CELF1: variants seen among roughly 807,000 people sequenced by gnomAD.
CELF1 encodes the protein 50 kDa nuclear polyadenylated RNA-binding protein.
In CELF1, 10 loss-of-function variants were observed where a neutral mutation model predicts 61.8. That is an observed-to-expected ratio of 0.16 (90% CI 0.10 to 0.27). The LOEUF is 0.27. Among genes scored for constraint, CELF1 ranks in the 10% least tolerant of loss-of-function variants. CELF1 has a pLI of 1.00. For synonymous variants in CELF1, 236 were observed against 225.1 expected (o/e 1.05, Z -0.43); for missense variants, 380 against 639.1 (o/e 0.59, Z 4.37).
Position 47,470,573 on chromosome 11 carries a change from G to C in CELF1, c.*1657C>G, listed in dbSNP as rs1053664316. On this transcript the variant is annotated 3_prime_UTR_variant, in exon 15 of 15. Transcript: ENST00000687097. ...CCAGCTACCTGTACAACAGTAAGAT[G>C]GTCAATCCCTGTCTGTTACCCACAG... is the stretch of plus-strand genomic sequence containing the variant. 1.3e-5 allele frequency: 2 copies of C among 152,168 alleles called. No homozygotes were observed. Among genetic ancestry groups the C allele is most frequent in the Admixed American group, 6.5e-5 (1 of 15,284 alleles). The allele number at this position is 152,168 out of a possible 1,614,324, so 9.4% of individuals were successfully genotyped here. A position where few individuals can be genotyped will look rare whatever the true frequency, so the allele number is the denominator to read the frequency against.
intron 1 of CELF1, among the ~76,000 whole-genome samples, chr11:47,536,740 AGAGT>A (rs1246508448): frequency 2.6e-5 from 4 of 152,234 alleles, no homozygotes; most frequent in African/African-American, 9.6e-5. Flanking sequence ...CCTGCGTGAC[AGAGT>A]GAGACTCCAT....
intron 1 of CELF1, among the ~76,000 whole-genome samples, chr11:47,527,416 G>A (rs573713143): frequency 6.6e-6 from 1 of 152,046 alleles, no homozygotes; most frequent in Admixed American, 6.6e-5. Flanking sequence ...TTAAGTAAAA[G>A]CCTCTTAAGT....
chr11:47,533,541 A>C (rs1386929701), intron 1 of CELF1, among the ~76,000 whole-genome samples: 2 of 152,182 alleles, frequency 1.3e-5, no homozygotes, highest in African/African-American at 2.4e-5. Context: ...AGAACTGCTT[A>C]AACTCCGGAA....
At chr11:47,494,562 CTT>C (rs1239231928) in intron 3 of CELF1, 1 of 865,168 alleles carries the variant, frequency 1.2e-6, no homozygotes, top group Admixed American at 6.2e-5. Context: ...TCTCTTTCTC[CTT>C]TCTTTTCCCC....
intron 1 of CELF1, among the ~76,000 whole-genome samples, chr11:47,529,745 TG>T (rs1415419509): frequency 6.6e-6 from 1 of 151,738 alleles, no homozygotes; most frequent in Non-Finnish European, 1.5e-5. Flanking sequence ...TGCTTAAACC[TG>T]GGAGGTGGAG....
chr11:47,549,811 G>GTTTTT (rs1157763467), intron 1 of CELF1, among the ~76,000 whole-genome samples: 1 of 133,220 alleles, frequency 7.5e-6, no homozygotes, highest in African/African-American at 2.6e-5. Flanking sequence ...AATGTTGTGG[G>GTTTTT]TTTTTTTTGT....
At chr11:47,535,704 G>C (rs1281559911) in intron 1 of CELF1, among the ~76,000 whole-genome samples, 5 of 148,568 alleles carry the variant, frequency 3.4e-5, no homozygotes, top group Admixed American at 6.7e-5. Flanking sequence ...AATAAATCAT[G>C]TCTTGTTTTG....
intron 2 of CELF1, among the ~76,000 whole-genome samples, chr11:47,561,164 G>A (rs1284307570): frequency 2.9e-5 from 4 of 140,294 alleles, no homozygotes; most frequent in Admixed American, 7.5e-5. Context: ...AGTGTATTTC[G>A]CTGGGTGAGG....
At chr11:47,535,358 A>C (rs953141614) in intron 1 of CELF1, among the ~76,000 whole-genome samples, 1 of 152,132 alleles carries the variant, frequency 6.6e-6, no homozygotes, top group African/African-American at 2.4e-5. Context: ...TACCGTAGGC[A>C]ATAGTTATTA....
intron 3 of CELF1, among the ~76,000 whole-genome samples, chr11:47,491,658 CCTT>C (rs2091533065): frequency 6.6e-6 from 1 of 152,172 alleles, no homozygotes; most frequent in Admixed American, 6.5e-5. Context: ...TAAATTTCCA[CCTT>C]CGTTGTGGAA....
At chr11:47,516,010 G>A (rs1008863362) in intron 1 of CELF1, among the ~76,000 whole-genome samples, 11 of 144,442 alleles carry the variant, frequency 7.6e-5, no homozygotes, top group African/African-American at 2.7e-4. Context: ...TCTGCCTCCC[G>A]GGTTCAACAT....
chr11:47,548,833 T>G (rs1233616400), intron 1 of CELF1, among the ~76,000 whole-genome samples: 1 of 129,092 alleles, frequency 7.7e-6, no homozygotes, highest in African/African-American at 3.0e-5. Context: ...ACCACTGCAC[T>G]CCAGCCTGGG....
chr11:47,473,582 A>G (rs930925485), intron 13 of CELF1, among the ~76,000 whole-genome samples: 1 of 152,232 alleles, frequency 6.6e-6, no homozygotes, highest in Non-Finnish European at 1.5e-5. Context: ...AAAAGGGGTT[A>G]TAAACAAAAC....
Position 47,468,327 on chromosome 11 carries a change from G to GA in CELF1, c.*3902dup, listed in dbSNP as rs1250367040. 1 of 152,234 alleles carries GA rather than the reference G, an allele frequency of 6.6e-6. No homozygotes were observed. 9.4% of individuals were successfully genotyped at this position (152,234 alleles called of 1,614,324 possible). On this transcript the variant is annotated 3_prime_UTR_variant, in exon 15 of 15. Coordinates refer to ENST00000687097, the MANE Select transcript of CELF1 (RefSeq NM_001376376.1). ...TTGAGAACTCAGAAGAAAAACAAAA[G>GA]AAAGAACAATACATGCGGTCTCCTC...
chr11:47,504,640 G>A (rs1003650754), intron 1 of CELF1, among the ~76,000 whole-genome samples: 3 of 142,968 alleles, frequency 2.1e-5, no homozygotes, highest in Middle Eastern at 3.8e-3. Flanking sequence ...GTGGCTCACC[G>A]CCTCTAATCC....
At chr11:47,488,287 C>T (rs1370760735) in intron 4 of CELF1, among the ~76,000 whole-genome samples, 32 of 152,206 alleles carry the variant, frequency 2.1e-4, no homozygotes, top group Admixed American at 1.9e-3. Flanking sequence ...GAAGCAGCTC[C>T]GCCTTTCCTC....
chr11:47,489,023 A>C lies in CELF1; in HGVS notation c.73T>G (p.Ser25Ala). 1 of 1,573,300 alleles carries C rather than the reference A, an allele frequency of 6.4e-7. No individual in the cohort carries two copies. The highest frequency in any genetic ancestry group is 1.2e-5 in the South Asian group (1 of 85,408). Residue 25 changes from serine (S) to alanine (A), a missense_variant and splice_region_variant, in exon 4 of 15, where the codon TCA becomes GCA. Coordinates refer to ENST00000687097, the MANE Select transcript of CELF1 (RefSeq NM_001376376.1). ...TCCAGGGTGCCGTTCATTTTCTTTG[A>C]GCTGTGTGAGATAAAATGAAACTTC... ...DHCSLNSSPVSKKMNGTLDHP... is the reference protein window; with the variant it reads ...DHCSLNSSPVAKKMNGTLDHP...
intron 2 of CELF1, among the ~76,000 whole-genome samples, chr11:47,562,142 C>T (rs540989866): frequency 2.7e-5 from 4 of 150,796 alleles, no homozygotes; most frequent in Non-Finnish European, 5.9e-5. Context: ...AGGAGAATTG[C>T]TTGAACCTGA....
chr11:47,501,410 C>T (rs1209936349), intron 1 of CELF1, among the ~76,000 whole-genome samples: 1 of 152,174 alleles, frequency 6.6e-6, no homozygotes, highest in Non-Finnish European at 1.5e-5. Flanking sequence ...TGATGGCATG[C>T]CTCTTCCTAT....
Sources: gnomAD v4.1 joint callset for allele counts (sites outside exome capture counted in the v4.1 genomes callset) on GRCh38, gnomAD v4.1.1 for gene constraint, MANE v1.5 for transcripts, NCBI Gene and HGNC (gene_info 2026-07-23, HGNC 2026-07-21) for gene names.